Variants in SGPP2 observed in about 807,000 individuals in gnomAD.
The protein encoded by SGPP2 is sphingosine 1-phosphate phosphohydrolase 2.
A neutral mutation model predicts 33.9 loss-of-function variants in SGPP2; 30 were observed. The ratio of observed to expected loss-of-function variants is 0.89; its 90% CI spans 0.66 to 1.20. SGPP2 has a LOEUF of 1.20. Among genes scored for constraint, SGPP2 ranks in the 50% most tolerant of loss-of-function variants. The pLI is 0.00. For missense variants in SGPP2, 458 were observed against 532.1 expected (o/e 0.86, Z 1.37); for synonymous variants, 233 against 225.0 (o/e 1.04, Z -0.32).
At position 222,559,176 on chromosome 2, in the gene SGPP2, G is replaced by GGCC. The variant is rs1553543495; in HGVS notation, c.*278_*279insGCC. On this transcript the variant is annotated 3_prime_UTR_variant, in exon 5 of 5. Coordinates refer to ENST00000321276, the MANE Select transcript of SGPP2 (RefSeq NM_152386.4). ...CACACACCGCGCCCCCCCCCCCCCC[G>GGCC]CCCGGCCCCTGCTCCTCTCGCTGTT... The GGCC allele has an allele frequency of 5.5e-4, 24 of 43,314 alleles. 2 individuals are homozygous for GGCC. The highest frequency in any genetic ancestry group is 2.7e-3 in the East Asian group (8 of 2,962). 2.7% of individuals were successfully genotyped at this position (43,314 alleles called of 1,614,324 possible).
intron 2 of SGPP2, among the ~76,000 whole-genome samples, chr2:222,497,232 G>GTGTCAGATCTC (rs1698294229): frequency 6.7e-6 from 1 of 148,726 alleles, no homozygotes; most frequent in Non-Finnish European, 1.5e-5. Context: ...TTTGAAAAGA[G>GTGTCAGATCTC]TGTCAGATCT....
Position 222,476,238 on chromosome 2 carries a change from CA to C in SGPP2, c.378+1513del, listed in dbSNP as rs751128545. Among the ~76,000 whole-genome samples, 48 of 152,128 alleles carry C rather than the reference CA, an allele frequency of 3.2e-4. No individual in the cohort carries two copies. Among genetic ancestry groups the C allele is most frequent in the Non-Finnish European group, 5.6e-4 (38 of 68,004 alleles). On this transcript the variant is annotated intron_variant, in intron 2 of 4. Transcript: ENST00000321276. The surrounding 1 kb of genome is among the most constrained non-coding windows in gnomAD (Gnocchi z 4.3). ...GTAGAACAAGTAGAATGGACTTGATCAGGGGTCATAAATTCGAATGTTCTCA... is the reference window on the plus strand; with the variant it reads ...GTAGAACAAGTAGAATGGACTTGATCGGGGTCATAAATTCGAATGTTCTCA...
At chr2:222,438,142 G>A (rs1697272379) in intron 1 of SGPP2, among the ~76,000 whole-genome samples, 1 of 152,178 alleles carries the variant, frequency 6.6e-6, no homozygotes, top group South Asian at 2.1e-4. Context: ...ATTAGGCATT[G>A]TGCCTCTTTC....
chr2:222,431,900 G>T (rs939865111), intron 1 of SGPP2, among the ~76,000 whole-genome samples: 3 of 152,190 alleles, frequency 2.0e-5, no homozygotes, highest in Non-Finnish European at 2.9e-5. Context: ...AGTCCATCAA[G>T]GTCAGCCTCC....
At chr2:222,515,800 A>G (rs1046960606) in intron 2 of SGPP2, among the ~76,000 whole-genome samples, 6 of 151,874 alleles carry the variant, frequency 4.0e-5, no homozygotes, top group African/African-American at 1.5e-4. Context: ...GCACTTTGGG[A>G]GGCCAAGGCA....
intron 3 of SGPP2, among the ~76,000 whole-genome samples, chr2:222,523,525 G>A (rs1698716394): frequency 6.6e-6 from 1 of 152,126 alleles, no homozygotes. Flanking sequence ...CACATCCATT[G>A]CAGAGCCACC....
At chr2:222,518,218 G>T (rs147645697) in intron 2 of SGPP2, among the ~76,000 whole-genome samples, 215 of 152,316 alleles carry the variant, frequency 1.4e-3, no homozygotes, top group African/African-American at 5.1e-3. Context: ...GACATAATAT[G>T]CAGCCGTAGT....
intron 1 of SGPP2, among the ~76,000 whole-genome samples, chr2:222,426,111 C>T (rs909980940): frequency 6.8e-6 from 1 of 146,142 alleles, no homozygotes; most frequent in African/African-American, 2.5e-5. Context: ...CCAGCTACTC[C>T]GGAGGCTAAG....
At chr2:222,557,989 C>A (rs1462533493) in intron 4 of SGPP2, among the ~76,000 whole-genome samples, 4 of 152,146 alleles carry the variant, frequency 2.6e-5, no homozygotes, top group African/African-American at 4.8e-5. Context: ...GATGGTGACA[C>A]CTCGGTGAAG....
intron 1 of SGPP2, among the ~76,000 whole-genome samples, chr2:222,442,512 C>T (rs777724622): frequency 4.0e-5 from 6 of 151,842 alleles, no homozygotes; most frequent in Non-Finnish European, 7.4e-5. Flanking sequence ...TGATGTTTTT[C>T]GTAAGTACAG....
At position 222,440,233 on chromosome 2, in the gene SGPP2, A is replaced by G. The variant is rs1191048887; in HGVS notation, c.219+15412A>G. ...AACCTTCTGCTCACTGACTGCTGCT[A>G]TGTGCCAAGGAGAGCACAGAGAAGT... is the stretch of plus-strand genomic sequence containing the variant. On this transcript the variant is annotated intron_variant, in intron 1 of 4. Transcript: ENST00000321276. Among the ~76,000 whole-genome samples, 3 of 152,228 alleles carry G rather than the reference A, an allele frequency of 2.0e-5. No homozygotes were observed. In the East Asian group the frequency reaches 5.8e-4, roughly 29 times the overall value.
rs139404950 is a variant in SGPP2 at position 222,506,780 on chromosome 2, G to A, written c.379-14987G>A. On this transcript the variant is annotated intron_variant, in intron 2 of 4. Coordinates refer to ENST00000321276, the MANE Select transcript of SGPP2 (RefSeq NM_152386.4). ...TATTACAAAACATAACTAACGATCA[G>A]ATCATTATCTCACAAGTGTTTCACT... 1.5e-4 allele frequency among the ~76,000 whole-genome samples: 23 copies of A among 152,160 alleles called. No individual in the cohort carries two copies. In the East Asian group the frequency reaches 4.4e-3, roughly 29 times the overall value.
At chr2:222,487,333 G>A (rs934858777) in intron 2 of SGPP2, among the ~76,000 whole-genome samples, 9 of 152,130 alleles carry the variant, frequency 5.9e-5, no homozygotes, top group East Asian at 1.9e-4. Context: ...CTTATAGCCC[G>A]CTGGATGTTA....
intron 1 of SGPP2, chr2:222,453,027 A>G (rs1697516136): frequency 3.2e-6 from 5 of 1,571,062 alleles, no homozygotes; most frequent in Non-Finnish European, 4.4e-6. Flanking sequence ...CTGTTTCTTG[A>G]CTGGGACCTT....
intron 2 of SGPP2, among the ~76,000 whole-genome samples, chr2:222,488,377 C>A (rs1698144516): frequency 1.3e-5 from 2 of 152,206 alleles, no homozygotes; most frequent in Non-Finnish European, 2.9e-5. Context: ...GCATTAGATT[C>A]TCTTAGGAGC....
chr2:222,523,316 G>T (rs1353874609), intron 3 of SGPP2, among the ~76,000 whole-genome samples: 1 of 152,232 alleles, frequency 6.6e-6, no homozygotes, highest in Non-Finnish European at 1.5e-5. Flanking sequence ...TCCTGGCACT[G>T]TCTGAATTAA....
chr2:222,424,551 A>T lies in SGPP2; in HGVS notation c.-52A>T. On this transcript the variant is annotated 5_prime_UTR_variant, in exon 1 of 5. Coordinates refer to ENST00000321276, the MANE Select transcript of SGPP2 (RefSeq NM_152386.4). Reference sequence around the variant, plus strand: ...GAGGCGGGAGTGGCGGTGCCAGCGGAGGGCACCGGCCCGGCGTGGCAGCGG... The same window carrying T: ...GAGGCGGGAGTGGCGGTGCCAGCGGTGGGCACCGGCCCGGCGTGGCAGCGG... 1 of 1,136,220 alleles carries T rather than the reference A, an allele frequency of 8.8e-7. No homozygotes were observed. The highest frequency in any genetic ancestry group is 1.1e-6 in the Non-Finnish European group (1 of 907,206). 70.4% of individuals were successfully genotyped at this position (1,136,220 alleles called of 1,614,324 possible). A position where few individuals can be genotyped will look rare whatever the true frequency, so the allele number is the denominator to read the frequency against.
chr2:222,434,347 A>C (rs997611957), intron 1 of SGPP2, among the ~76,000 whole-genome samples: 1 of 152,200 alleles, frequency 6.6e-6, no homozygotes, highest in Non-Finnish European at 1.5e-5. Context: ...GCAATATCTC[A>C]GCACGTAGGT....
chr2:222,536,096 C>T (rs1170307250), intron 4 of SGPP2, among the ~76,000 whole-genome samples: 1 of 152,170 alleles, frequency 6.6e-6, no homozygotes, highest in African/African-American at 2.4e-5. Flanking sequence ...ATGAAATCTT[C>T]CATAGGAGCC....
Sources: gnomAD v4.1 joint callset for allele counts (sites outside exome capture counted in the v4.1 genomes callset) on GRCh38, gnomAD v4.1.1 for gene constraint, Gnocchi (gnomAD v3.1) non-coding constraint, MANE v1.5 for transcripts, NCBI Gene and HGNC (gene_info 2026-07-23, HGNC 2026-07-21) for gene names.